Variants in CCSER1 observed in about 807,000 individuals in gnomAD.
CCSER1 encodes the protein coiled-coil serine rich protein 1, also known as serine-rich coiled-coil domain-containing protein 1.
Under a neutral mutation model 82.0 loss-of-function variants are expected in CCSER1, and 41 were observed. The ratio of observed to expected loss-of-function variants is 0.50; its 90% confidence interval spans 0.39 to 0.65. CCSER1 has a LOEUF of 0.65. Ranked by LOEUF, CCSER1 falls within the 30% of genes least tolerant of loss-of-function variation. The pLI, the probability that CCSER1 is intolerant of heterozygous loss-of-function variation, is 0.00. For missense variants in CCSER1, 1,119 were observed against 1,064.2 expected (o/e 1.05, Z -0.72); for synonymous variants, 414 against 383.9 (o/e 1.08, Z -0.92).
chr4:90,911,925 C>G (rs7697260), intron 8 of CCSER1, among the ~76,000 whole-genome samples: 70,977 of 152,034 alleles, frequency 0.47, 18,238 homozygotes, highest in African/African-American at 0.7. Flanking sequence ...AGCAGCGAGG[C>G]TGGGGGAGGG....
intron 7 of CCSER1, among the ~76,000 whole-genome samples, chr4:90,726,091 ATTTGAT>A (rs531309391): frequency 2.7e-4 from 41 of 152,004 alleles, no homozygotes; most frequent in African/African-American, 8.4e-4. Context: ...TGATTGAGGG[ATTTGAT>A]TTTCCTTTTT....
chr4:90,308,353 C>A lies in CCSER1; in HGVS notation c.69C>A (p.Asn23Lys). Residue 23 changes from asparagine (N) to lysine (K), a missense_variant, in exon 2 of 11, where the codon AAC becomes AAA. Physicochemically the swap from Asn to Lys is moderately conservative, Grantham distance 94. Transcript: ENST00000509176. ...TGCCAATATTCAGAAGAAGTATTAA[C>A]AGAAGACATGATTCTCTTCCTTCTT... ...SRLPIFRRSI[N>K]RRHDSLPSSP... 1.2e-6 allele frequency: 2 copies of A among 1,612,896 alleles called. No individual in the cohort carries two copies. Among genetic ancestry groups the A allele is most frequent in the Non-Finnish European group, 1.7e-6 (2 of 1,179,408 alleles).
intron 1 of CCSER1, among the ~76,000 whole-genome samples, chr4:90,166,934 TATC>T (rs1730558603): frequency 6.6e-6 from 1 of 152,036 alleles, no homozygotes; most frequent in African/African-American, 2.4e-5. Context: ...TCTTTTAAAA[TATC>T]ATATTTTTAA....
chr4:91,226,912 T>C (rs1214096920), intron 10 of CCSER1, among the ~76,000 whole-genome samples: 1 of 151,864 alleles, frequency 6.6e-6, no homozygotes, highest in Non-Finnish European at 1.5e-5. Context: ...TATATCACAG[T>C]CTCAGTTGCA....
At chr4:91,544,312 G>A (rs539927724) in intron 10 of CCSER1, among the ~76,000 whole-genome samples, 18 of 152,214 alleles carry the variant, frequency 1.2e-4, no homozygotes, top group East Asian at 5.8e-4. Flanking sequence ...CTCTCAACTC[G>A]TCAAAGTCAT....
intron 7 of CCSER1, among the ~76,000 whole-genome samples, chr4:90,763,139 C>A (rs1304827610): frequency 6.6e-6 from 1 of 152,024 alleles, no homozygotes; most frequent in Non-Finnish European, 1.5e-5. Flanking sequence ...ACCAAAACAA[C>A]TCTCTATAGT....
chr4:90,937,232 T>C (rs1731051124), intron 9 of CCSER1, among the ~76,000 whole-genome samples: 1 of 152,094 alleles, frequency 6.6e-6, no homozygotes. Flanking sequence ...TCTGCCAATG[T>C]TGCATTTGAG....
intron 7 of CCSER1, among the ~76,000 whole-genome samples, chr4:90,776,130 A>G (rs1752862128): frequency 6.6e-6 from 1 of 152,174 alleles, no homozygotes. Context: ...TCTTGGATAC[A>G]ACAGTAAAAC....
chr4:90,862,753 A>G (rs910069627), intron 8 of CCSER1, among the ~76,000 whole-genome samples: 3 of 151,720 alleles, frequency 2.0e-5, no homozygotes, highest in South Asian at 4.1e-4. Context: ...CGCTACTACT[A>G]CTCAGCATAT....
At chr4:90,151,073 A>T (rs1726751769) in intron 1 of CCSER1, among the ~76,000 whole-genome samples, 1 of 152,118 alleles carries the variant, frequency 6.6e-6, no homozygotes, top group Non-Finnish European at 1.5e-5. Context: ...GAATGAGAAT[A>T]TGAAAGATTT....
In CCSER1 at chr4:91,247,665, C is replaced by T. The variant is rs139434911; in HGVS notation, c.2217+161671C>T. Among the ~76,000 whole-genome samples the T allele has an allele frequency of 5.9e-5, 9 of 152,124 alleles. No homozygotes were observed. The East Asian group carries it at 1.2e-3, about 20-fold the overall frequency. On this transcript the variant is annotated intron_variant, in intron 10 of 10. Coordinates refer to ENST00000509176, the MANE Select transcript of CCSER1 (RefSeq NM_001145065.2). ...CAGTGATCACTTGAGGCCAGGAGTT[C>T]GAGATCAGCATGGCCAACATGGCGA...
intron 10 of CCSER1, among the ~76,000 whole-genome samples, chr4:91,229,157 G>A (rs1183268382): frequency 2.0e-5 from 3 of 151,774 alleles, no homozygotes; most frequent in Admixed American, 2.0e-4. Context: ...AAGGTTAAAA[G>A]AACACATTCG....
At chr4:90,304,564 T>C (rs930110904) in intron 1 of CCSER1, among the ~76,000 whole-genome samples, 2 of 151,884 alleles carry the variant, frequency 1.3e-5, no homozygotes, top group South Asian at 4.2e-4. Flanking sequence ...AACCCAACAC[T>C]GCATATTCTC....
intron 8 of CCSER1, among the ~76,000 whole-genome samples, chr4:90,863,540 GTTTC>G: frequency 6.6e-6 from 1 of 151,066 alleles, no homozygotes; most frequent in South Asian, 2.1e-4. Context: ...TTTTCTTTGC[GTTTC>G]TTTTTTTCTT....
At chr4:90,884,925 G>A (rs1021059249) in intron 8 of CCSER1, among the ~76,000 whole-genome samples, 4 of 152,036 alleles carry the variant, frequency 2.6e-5, no homozygotes, top group Non-Finnish European at 4.4e-5. Context: ...CAACAATACT[G>A]TTGTGAAATA....
At chr4:90,645,314 A>G (rs947085533) in intron 6 of CCSER1, among the ~76,000 whole-genome samples, 6 of 152,184 alleles carry the variant, frequency 3.9e-5, no homozygotes, top group Non-Finnish European at 8.8e-5. Flanking sequence ...ATATTCAAAA[A>G]TGTTCGATGA....
At chr4:90,982,865 A>T (rs1202044073) in intron 9 of CCSER1, among the ~76,000 whole-genome samples, 1 of 151,780 alleles carries the variant, frequency 6.6e-6, no homozygotes, top group African/African-American at 2.4e-5. Flanking sequence ...AAGCCAAAAC[A>T]AAACAAAGAA....
At chr4:91,445,592 TCA>T (rs1431782920) in intron 10 of CCSER1, among the ~76,000 whole-genome samples, 1 of 152,110 alleles carries the variant, frequency 6.6e-6, no homozygotes, top group Non-Finnish European at 1.5e-5. Flanking sequence ...TCATTCTCTC[TCA>T]CTTTCTCACC....
chr4:90,302,278 G>T (rs566427247), intron 1 of CCSER1, among the ~76,000 whole-genome samples: 1 of 152,316 alleles, frequency 6.6e-6, no homozygotes, highest in Non-Finnish European at 1.5e-5. Context: ...TAAATATACA[G>T]ATGCTTACTA....
Sources: gnomAD v4.1 joint callset for allele counts (sites outside exome capture counted in the v4.1 genomes callset) on GRCh38, gnomAD v4.1.1 for gene constraint, MANE v1.5 for transcripts, NCBI Gene and HGNC (gene_info 2026-07-23, HGNC 2026-07-21) for gene names.